AEBP2: variants seen among roughly 807,000 people sequenced by gnomAD.
The protein encoded by AEBP2 is AE binding protein 2, also known as zinc finger protein AEBP2.
Under a neutral mutation model 50.8 loss-of-function variants are expected in AEBP2, and 10 were observed. The observed-to-expected ratio is 0.20, with a 90% CI of 0.12 to 0.33. The LOEUF (loss-of-function observed/expected upper bound fraction) is 0.33, where lower values mean the gene tolerates loss of function less well. Ranked by LOEUF, AEBP2 falls within the 10% of genes least tolerant of loss-of-function variation. The pLI is 1.00. For missense variants in AEBP2, 570 were observed against 688.0 expected (o/e 0.83, Z 1.92); for synonymous variants, 296 against 261.3 (o/e 1.13, Z -1.28).
At position 19,498,787 on chromosome 12, in the gene AEBP2, A is replaced by G. The variant is rs545042100; in HGVS notation, c.1175-1310A>G. Among the ~76,000 whole-genome samples the G allele has an allele frequency of 2.3e-4, 35 of 152,316 alleles. No individual in the cohort carries two copies. The South Asian group carries it at 2.7e-3, about 12-fold the overall frequency. ...TTGAAAAATGTTCTTACCAAATTAA[A>G]TCTTCAGTGTATAATTTTTTTGATC... On this transcript the variant is annotated intron_variant, in intron 4 of 7. Coordinates refer to ENST00000266508, the MANE Select transcript of AEBP2 (RefSeq NM_153207.5).
chr12:19,404,543 G>T (rs1158815132), intron 1 of AEBP2, among the ~76,000 whole-genome samples: 1 of 152,174 alleles, frequency 6.6e-6, no homozygotes, highest in African/African-American at 2.4e-5. Flanking sequence ...TTCACAGTGT[G>T]AATCTCTACA....
intron 1 of AEBP2, among the ~76,000 whole-genome samples, chr12:19,422,960 G>A (rs1379778098): frequency 1.3e-5 from 2 of 149,440 alleles, no homozygotes; most frequent in Non-Finnish European, 3.0e-5. Context: ...AGCTACTCAG[G>A]AGGCTGAGGC....
intron 3 of AEBP2, among the ~76,000 whole-genome samples, chr12:19,487,939 G>C (rs1041356094): frequency 2.0e-5 from 3 of 152,098 alleles, no homozygotes; most frequent in African/African-American, 7.2e-5. Context: ...TGGTGCGCAA[G>C]ATGAAGTAAG....
intron 3 of AEBP2, among the ~76,000 whole-genome samples, chr12:19,476,894 T>C (rs978530318): frequency 2.0e-5 from 3 of 152,346 alleles, no homozygotes; most frequent in Middle Eastern, 3.4e-3. Flanking sequence ...ATCTGTAGAT[T>C]GCTTTTGGCA....
intron 1 of AEBP2, among the ~76,000 whole-genome samples, chr12:19,433,292 G>C (rs1195952756): frequency 6.6e-6 from 1 of 152,098 alleles, no homozygotes; most frequent in Non-Finnish European, 1.5e-5. Context: ...GGAGGATGAG[G>C]CAGGACAATT....
intron 1 of AEBP2, among the ~76,000 whole-genome samples, chr12:19,447,282 C>T (rs150221781): frequency 6.6e-6 from 1 of 152,172 alleles, no homozygotes; most frequent in Non-Finnish European, 1.5e-5. Flanking sequence ...TCAAGTCTTA[C>T]GTTGAACAGG....
intron 6 of AEBP2, among the ~76,000 whole-genome samples, chr12:19,514,376 T>C (rs1366942517): frequency 2.6e-5 from 4 of 152,194 alleles, no homozygotes; most frequent in African/African-American, 4.8e-5. Flanking sequence ...TTTCACTCAT[T>C]GAGTTAAAAG....
At position 19,518,588 on chromosome 12, in the gene AEBP2, T is replaced by G. The variant is rs751401485; in HGVS notation, c.*471T>G. ...TGATTTGAAGTCATATTAGGAAATATTTAGACAATGAAAATTATCAAGAGA... is the reference window on the plus strand; with the variant it reads ...TGATTTGAAGTCATATTAGGAAATAGTTAGACAATGAAAATTATCAAGAGA... On this transcript the variant is annotated 3_prime_UTR_variant, in exon 8 of 8. Coordinates refer to ENST00000266508, the MANE Select transcript of AEBP2 (RefSeq NM_153207.5). The G allele has an allele frequency of 1.5e-5, 21 of 1,392,700 alleles. No homozygotes were observed. Among genetic ancestry groups the G allele is most frequent in the South Asian group, 3.4e-5 (2 of 58,338 alleles). 86.3% of individuals were successfully genotyped at this position (1,392,700 alleles called of 1,614,324 possible).
At chr12:19,419,102 C>A in intron 1 of AEBP2, 1 of 163,632 alleles carries the variant, frequency 6.1e-6, no homozygotes, top group South Asian at 1.8e-4. Flanking sequence ...TGTGCTGTTT[C>A]AGATCTTTAA....
At chr12:19,446,339 T>C (rs546344671) in intron 1 of AEBP2, among the ~76,000 whole-genome samples, 18 of 152,304 alleles carry the variant, frequency 1.2e-4, no homozygotes, top group African/African-American at 4.3e-4. Context: ...GAGGCAGGTA[T>C]GGTTACTCAC....
Position 19,440,285 on chromosome 12 carries a change from AGCAGCGCGACCTCCGGGGGCCGGCGGG to A in AEBP2, c.592_618del (p.Ala198_Ser206del). On this transcript the variant is annotated inframe_deletion, in exon 1 of 8. Coordinates refer to ENST00000266508, the MANE Select transcript of AEBP2 (RefSeq NM_153207.5). Reference sequence around the variant, plus strand: ...GGGCTACGGGACTGGGGGAGGCGGAAGCAGCGCGACCTCCGGGGGCCGGCGGGGCAGCTTGGAGATGTCGTCGGATGG... The same window carrying A: ...GGGCTACGGGACTGGGGGAGGCGGAAGCAGCTTGGAGATGTCGTCGGATGG... 1 of 1,465,708 alleles carries A rather than the reference AGCAGCGCGACCTCCGGGGGCCGGCGGG, an allele frequency of 6.8e-7. No homozygotes were observed. The highest frequency in any genetic ancestry group is 8.9e-7 in the Non-Finnish European group (1 of 1,117,580). The allele number at this position is 1,465,708 out of a possible 1,614,324, so 90.8% of individuals were successfully genotyped here.
intron 1 of AEBP2, among the ~76,000 whole-genome samples, chr12:19,453,239 G>A (rs549986842): frequency 1.5e-4 from 23 of 152,116 alleles, no homozygotes; most frequent in Middle Eastern, 3.4e-3. Flanking sequence ...AAAGTGCTGG[G>A]ATTACAGGCG....
chr12:19,468,175 CAGTCTTACTATGTTGTCCAAGCT>C (rs1249274955), intron 2 of AEBP2, among the ~76,000 whole-genome samples: 1 of 73,518 alleles, frequency 1.4e-5, no homozygotes, highest in Non-Finnish European at 3.7e-5. Context: ...TTTAATGAGA[CAGTCTTACTATGTTGTCCAAGCT>C]AGTCTTACTA....
At chr12:19,441,607 G>A (rs1202203231) in intron 1 of AEBP2, among the ~76,000 whole-genome samples, 1 of 152,194 alleles carries the variant, frequency 6.6e-6, no homozygotes, top group South Asian at 2.1e-4. Flanking sequence ...GTAATACAGA[G>A]TCCTGGATAT....
intron 1 of AEBP2, chr12:19,457,779 G>A (rs921181774): frequency 4.9e-6 from 2 of 405,766 alleles, no homozygotes; most frequent in Non-Finnish European, 4.0e-6. Flanking sequence ...CATCAAGCGG[G>A]CACTTGTTAG....
intron 1 of AEBP2, among the ~76,000 whole-genome samples, chr12:19,458,567 T>C (rs374960601): frequency 1.3e-5 from 2 of 152,218 alleles, no homozygotes; most frequent in Non-Finnish European, 2.9e-5. Flanking sequence ...ATATCACACA[T>C]AGACTCAACA....
At chr12:19,478,639 T>C (rs1031583342) in intron 3 of AEBP2, among the ~76,000 whole-genome samples, 1 of 152,204 alleles carries the variant, frequency 6.6e-6, no homozygotes, top group Non-Finnish European at 1.5e-5. Context: ...GCACCGCTTT[T>C]GCTGTTGCCC....
intron 3 of AEBP2, among the ~76,000 whole-genome samples, chr12:19,473,709 T>G (rs1320248263): frequency 6.6e-6 from 1 of 152,184 alleles, no homozygotes; most frequent in Non-Finnish European, 1.5e-5. Flanking sequence ...CCTGGCTGTT[T>G]TTTCTTTTAA....
At chr12:19,410,411 A>G (rs1158014251) in intron 1 of AEBP2, among the ~76,000 whole-genome samples, 1 of 152,188 alleles carries the variant, frequency 6.6e-6, no homozygotes, top group Non-Finnish European at 1.5e-5. Flanking sequence ...GTAAATCCAC[A>G]GAGAGTAGGG....
Sources: gnomAD v4.1 joint callset for allele counts (sites outside exome capture counted in the v4.1 genomes callset) on GRCh38, gnomAD v4.1.1 for gene constraint, MANE v1.5 for transcripts, NCBI Gene and HGNC (gene_info 2026-07-23, HGNC 2026-07-21) for gene names.